The following GALNTL6 variants were observed in gnomAD, a reference collection of about 807,000 sequenced individuals.
GALNTL6 encodes polypeptide N-acetylgalactosaminyltransferase like 6, also known as polypeptide N-acetylgalactosaminyltransferase-like 6.
GALNTL6 carries 46 observed loss-of-function variants against 73.7 expected under a neutral mutation model. The observed-to-expected ratio is 0.62, with a 90% confidence interval of 0.49 to 0.80. GALNTL6 has a LOEUF of 0.80. Ranked by LOEUF, GALNTL6 falls within the 30% of genes least tolerant of loss-of-function variation. The pLI is 0.00. For synonymous variants in GALNTL6, 259 were observed against 263.7 expected (o/e 0.98, Z 0.17); for missense variants, 604 against 755.0 (o/e 0.80, Z 2.34).
intron 5 of GALNTL6, among the ~76,000 whole-genome samples, chr4:172,566,963 T>C (rs922326379): frequency 6.6e-6 from 1 of 152,098 alleles, no homozygotes; most frequent in Admixed American, 6.5e-5. Flanking sequence ...AAGATTCATT[T>C]TCAATAACTA....
chr4:171,819,464 A>G (rs900347125), intron 2 of GALNTL6, among the ~76,000 whole-genome samples: 1 of 152,188 alleles, frequency 6.6e-6, no homozygotes, highest in African/African-American at 2.4e-5. Context: ...GCTGTGCTGA[A>G]TCAATTAGTT....
At position 172,465,550 on chromosome 4, in the gene GALNTL6, A is replaced by T. The variant is rs144546086; in HGVS notation, c.553+116861A>T. 4.6e-3 allele frequency among the ~76,000 whole-genome samples: 706 copies of T among 152,274 alleles called. 6 individuals are homozygous for T. The highest frequency in any genetic ancestry group is 0.016 in the African/African-American group (663 of 41,554). On this transcript the variant is annotated intron_variant, in intron 5 of 12. Transcript: ENST00000506823. ...TCATTAATTGTGAGATTTTTTAAAA[A>T]TTTATGTTTTTATACTTGATGCCCT...
At chr4:172,891,495 T>C (rs1234251476) in intron 8 of GALNTL6, among the ~76,000 whole-genome samples, 1 of 152,316 alleles carries the variant, frequency 6.6e-6, no homozygotes, top group Non-Finnish European at 1.5e-5. Context: ...CTCTGACTTA[T>C]AATGTTTCTG....
intron 2 of GALNTL6, among the ~76,000 whole-genome samples, chr4:172,002,220 T>C (rs751024755): frequency 5.3e-5 from 8 of 152,226 alleles, no homozygotes; most frequent in Non-Finnish European, 1.2e-4. Context: ...AATTCATATG[T>C]TGAAACTGAA....
intron 2 of GALNTL6, among the ~76,000 whole-genome samples, chr4:172,094,083 C>T (rs1321967408): frequency 6.6e-6 from 1 of 152,114 alleles, no homozygotes; most frequent in Non-Finnish European, 1.5e-5. Context: ...TTAAAATTTT[C>T]GCTCATAGTA....
intron 3 of GALNTL6, among the ~76,000 whole-genome samples, chr4:172,286,924 C>T (rs1298803791): frequency 1.3e-5 from 2 of 152,140 alleles, no homozygotes; most frequent in Admixed American, 1.3e-4. Context: ...CGCTTAAATT[C>T]CTATGGTACA....
In GALNTL6 at chr4:171,824,871, T is replaced by C. The variant is rs532097823; in HGVS notation, c.138+10153T>C. Among the ~76,000 whole-genome samples the C allele has an allele frequency of 4.6e-5, 7 of 152,292 alleles. No homozygotes were observed. In the South Asian group the frequency reaches 1.4e-3, roughly 32 times the overall value. ...CTTGAGTAGCCCATACAGAAAATAA[T>C]ACGGCACTTGTTTCAGAAGTTTTTG... On this transcript the variant is annotated intron_variant, in intron 2 of 12. Transcript: ENST00000506823.
intron 2 of GALNTL6, among the ~76,000 whole-genome samples, chr4:171,906,301 A>T (rs1485152242): frequency 3.3e-5 from 5 of 151,364 alleles, no homozygotes; most frequent in African/African-American, 1.2e-4. Context: ...ATAAAAAATG[A>T]TAAAGGGAAT....
At chr4:172,311,482 A>G in intron 3 of GALNTL6, 132 bp from the exon 4 acceptor site, 1 of 555,852 alleles carries the variant, frequency 1.8e-6, no homozygotes, top group East Asian at 3.4e-5. Context: ...ATAATATAAT[A>G]AAATCTTAGT....
At chr4:172,771,017 G>T (rs1252129092) in intron 5 of GALNTL6, among the ~76,000 whole-genome samples, 1 of 152,126 alleles carries the variant, frequency 6.6e-6, no homozygotes, top group Non-Finnish European at 1.5e-5. Flanking sequence ...ATAAAATTCT[G>T]CAGTTATCTG....
rs1324457537 is a variant in GALNTL6, at chr4:172,704,269, G to A, written c.554-105092G>A. 4.6e-5 allele frequency among the ~76,000 whole-genome samples: 7 copies of A among 151,610 alleles called. No homozygotes were observed. The South Asian group carries it at 1.2e-3, about 27-fold the overall frequency. On this transcript the variant is annotated intron_variant, in intron 5 of 12. Coordinates refer to ENST00000506823, the MANE Select transcript of GALNTL6 (RefSeq NM_001034845.3). ...TATGCTCGTTTTTCTAGTTTTTTGA[G>A]GTACATCATTAGATTGTTTATTTGA...
chr4:172,248,333 C>T (rs1407581680), intron 3 of GALNTL6, among the ~76,000 whole-genome samples: 2 of 152,208 alleles, frequency 1.3e-5, no homozygotes, highest in East Asian at 1.9e-4. Context: ...GGGACCACCC[C>T]TTAGCAGAGC....
chr4:171,949,926 A>T (rs1378143524), intron 2 of GALNTL6, among the ~76,000 whole-genome samples: 1 of 152,190 alleles, frequency 6.6e-6, no homozygotes, highest in Non-Finnish European at 1.5e-5. Context: ...ACAATATTAA[A>T]AGAGATAAGT....
chr4:172,727,216 C>A (rs1735868182), intron 5 of GALNTL6, among the ~76,000 whole-genome samples: 1 of 152,172 alleles, frequency 6.6e-6, no homozygotes, highest in African/African-American at 2.4e-5. Context: ...AACCTGGCCA[C>A]TCTACTGTTT....
intron 4 of GALNTL6, among the ~76,000 whole-genome samples, chr4:172,343,088 G>A (rs2111204898): frequency 6.6e-6 from 1 of 152,130 alleles, no homozygotes; most frequent in Non-Finnish European, 1.5e-5. Context: ...GAAATTTGGG[G>A]GTGGTCATTA....
chr4:173,016,885 A>C (rs1384156478), intron 11 of GALNTL6, among the ~76,000 whole-genome samples: 1 of 152,164 alleles, frequency 6.6e-6, no homozygotes, highest in Non-Finnish European at 1.5e-5. Context: ...TGTAGTTCCC[A>C]TAATCCCCAC....
At chr4:172,698,452 T>C (rs182332708) in intron 5 of GALNTL6, among the ~76,000 whole-genome samples, 1 of 152,160 alleles carries the variant, frequency 6.6e-6, no homozygotes, top group African/African-American at 2.4e-5. Flanking sequence ...ACTCAGTCTC[T>C]TGGACAGGAT....
chr4:172,932,348 A>T (rs1051659128), intron 9 of GALNTL6, among the ~76,000 whole-genome samples: 1 of 152,220 alleles, frequency 6.6e-6, no homozygotes, highest in Non-Finnish European at 1.5e-5. Context: ...TGGAGATTTA[A>T]GTTGTTACTA....
At chr4:172,062,224 G>T (rs992164855) in intron 2 of GALNTL6, among the ~76,000 whole-genome samples, 2 of 151,994 alleles carry the variant, frequency 1.3e-5, no homozygotes, top group African/African-American at 2.4e-5. Flanking sequence ...AAAGTGCTGG[G>T]ATTACAGGCA....
Sources: gnomAD v4.1 joint callset for allele counts (sites outside exome capture counted in the v4.1 genomes callset) on GRCh38, gnomAD v4.1.1 for gene constraint, MANE v1.5 for transcripts, NCBI Gene and HGNC (gene_info 2026-07-23, HGNC 2026-07-21) for gene names.